The following PRKAR1B variants were observed in gnomAD, a reference collection of about 807,000 sequenced individuals.
PRKAR1B encodes the protein cAMP-dependent protein kinase type I-beta regulatory subunit.
Under a neutral mutation model 46.5 loss-of-function variants are expected in PRKAR1B, and 22 were observed. The ratio of observed to expected loss-of-function variants is 0.47; its 90% CI spans 0.34 to 0.68. The LOEUF is 0.68. Among genes scored for constraint, PRKAR1B ranks in the 30% least tolerant of loss-of-function variants. PRKAR1B has a pLI of 0.01. For missense variants in PRKAR1B, 445 were observed against 535.6 expected (o/e 0.83, Z 1.67); for synonymous variants, 259 against 217.7 (o/e 1.19, Z -1.67).
intron 4 of PRKAR1B, among the ~76,000 whole-genome samples, chr7:665,554 CT>C (rs1785863604): frequency 6.6e-6 from 1 of 152,242 alleles, no homozygotes; most frequent in African/African-American, 2.4e-5. Context: ...ATTTGCTAAC[CT>C]CAAGGTCTCC....
At chr7:615,460 G>A (rs1378207126) in intron 4 of PRKAR1B, among the ~76,000 whole-genome samples, 1 of 139,932 alleles carries the variant, frequency 7.1e-6, no homozygotes, top group African/African-American at 2.7e-5. Flanking sequence ...AAATAAAAAA[G>A]ACAGAAAGAA....
intron 9 of PRKAR1B, among the ~76,000 whole-genome samples, chr7:562,695 A>C (rs1778877886): frequency 6.6e-6 from 1 of 152,300 alleles, no homozygotes; most frequent in Non-Finnish European, 1.5e-5. Flanking sequence ...TGTCACACAC[A>C]GATCACAACC....
intron 4 of PRKAR1B, among the ~76,000 whole-genome samples, chr7:656,155 T>G (rs1785173649): frequency 1.3e-5 from 2 of 152,206 alleles, no homozygotes; most frequent in Admixed American, 1.3e-4. Flanking sequence ...AATGAATGGA[T>G]GGGTGCCTGA....
At chr7:614,418 T>C (rs556570262) in intron 4 of PRKAR1B, among the ~76,000 whole-genome samples, 4 of 152,256 alleles carry the variant, frequency 2.6e-5, no homozygotes, top group African/African-American at 7.2e-5. Context: ...ACAGGCCCCA[T>C]TACTGCCCCA....
chr7:596,415 C>CCCG, intron 6 of PRKAR1B, 111 bp from the exon 7 acceptor site: 2 of 1,342,310 alleles, frequency 1.5e-6, no homozygotes, highest in Non-Finnish European at 2.0e-6. Context: ...CCCCGCAGGG[C>CCCG]GGGGCACAAG....
At chr7:611,865 C>T (rs1053342203) in intron 4 of PRKAR1B, among the ~76,000 whole-genome samples, 7 of 133,478 alleles carry the variant, frequency 5.2e-5, no homozygotes, top group Non-Finnish European at 7.8e-5. Context: ...GTAGATGAAT[C>T]GATGGATGGA....
At chr7:718,888 A>ATTTTTTTTTTTTTC (rs1780977368) in intron 1 of PRKAR1B, among the ~76,000 whole-genome samples, 1 of 9,680 alleles carries the variant, frequency 1.0e-4, no homozygotes, top group Admixed American at 9.2e-4. Flanking sequence ...TTTTTTTTTG[A>ATTTTTTTTTTTTTC]TGAGATAAGG....
chr7:690,485 G>A (rs868857210), intron 2 of PRKAR1B, among the ~76,000 whole-genome samples: 7 of 152,170 alleles, frequency 4.6e-5, no homozygotes, highest in African/African-American at 1.4e-4. Context: ...AATTAAATAA[G>A]AAGCCATTAA....
chr7:698,556 A>G (rs778797244), intron 2 of PRKAR1B, among the ~76,000 whole-genome samples: 3 of 152,012 alleles, frequency 2.0e-5, no homozygotes, highest in Non-Finnish European at 4.4e-5. Context: ...CCAACTAAGT[A>G]CATGTGTGTG....
chr7:563,989 C>G (rs909542837), intron 9 of PRKAR1B, among the ~76,000 whole-genome samples: 23 of 152,216 alleles, frequency 1.5e-4, no homozygotes, highest in African/African-American at 4.8e-4. Context: ...CACTTTCCAG[C>G]CTGGCCCGGC....
intron 7 of PRKAR1B, among the ~76,000 whole-genome samples, chr7:590,945 G>A (rs567173411): frequency 2.8e-4 from 43 of 152,158 alleles, no homozygotes; most frequent in African/African-American, 4.8e-4. Context: ...CCGGATGCCC[G>A]GGGCAGTGGC....
At position 667,648 on chromosome 7, in the gene PRKAR1B, C is replaced by T. The variant is rs919331286; in HGVS notation, c.440+9581G>A. Among the ~76,000 whole-genome samples, 11 of 151,286 alleles carry T rather than the reference C, an allele frequency of 7.3e-5. No individual in the cohort carries two copies. The highest frequency in any genetic ancestry group is 2.7e-4 in the African/African-American group (11 of 40,614). The stretch of plus-strand genomic sequence containing the variant: ...TTCCTTCACCATGCAGGCAGGGTAG[C>T]GGCAGGTGCAGGTGATGTGTCCTTA... On this transcript the variant is annotated intron_variant, in intron 4 of 10. Coordinates refer to ENST00000537384, the MANE Select transcript of PRKAR1B (RefSeq NM_001164760.2). This position sits in a 1 kb window ranked among gnomAD's most constrained non-coding sequence, Gnocchi z 4.3.
chr7:597,174 G>T (rs1583271925), intron 6 of PRKAR1B, among the ~76,000 whole-genome samples: 1 of 152,248 alleles, frequency 6.6e-6, no homozygotes, highest in Admixed American at 6.5e-5. Context: ...GTTCCCATTG[G>T]CAAAGCAGTT....
At chr7:568,941 G>T (rs973901827) in intron 9 of PRKAR1B, among the ~76,000 whole-genome samples, 25 of 151,962 alleles carry the variant, frequency 1.6e-4, no homozygotes, top group Admixed American at 1.6e-3. Flanking sequence ...GGGGCCCGCG[G>T]GGGGTGGTTC....
At chr7:710,141 G>A (rs1460218067) in intron 2 of PRKAR1B, among the ~76,000 whole-genome samples, 1 of 152,200 alleles carries the variant, frequency 6.6e-6, no homozygotes, top group Non-Finnish European at 1.5e-5. Context: ...TGTGATCACA[G>A]GAGGCCCCTG....
In PRKAR1B at chr7:550,329, C is replaced by A. The variant is rs1784101313; in HGVS notation, c.*101G>T. 2.0e-5 allele frequency: 22 copies of A among 1,117,244 alleles called. No individual in the cohort carries two copies. The highest frequency in any genetic ancestry group is 2.7e-5 in the Non-Finnish European group (21 of 771,170). The allele number at this position is 1,117,244 out of a possible 1,614,324, so 69.2% of individuals were successfully genotyped here. ...CTCACGCTGCCGGGACCCAGCCCCA[C>A]CCGGCCCACACCTCACACAGCGGCT... is the stretch of plus-strand genomic sequence containing the variant. On this transcript the variant is annotated 3_prime_UTR_variant, in exon 11 of 11. Coordinates refer to ENST00000537384, the MANE Select transcript of PRKAR1B (RefSeq NM_001164760.2).
In PRKAR1B at chr7:642,110, G is replaced by A. The variant is rs150335075; in HGVS notation, c.441-34658C>T. Reference sequence around the variant, plus strand: ...CGGGTCTTGCTATGTTGGCTAGGCTGGTCTTGAACTCCTGAGCTCAAGCGA... The same window carrying A: ...CGGGTCTTGCTATGTTGGCTAGGCTAGTCTTGAACTCCTGAGCTCAAGCGA... On this transcript the variant is annotated intron_variant, in intron 4 of 10. Coordinates refer to ENST00000537384, the MANE Select transcript of PRKAR1B (RefSeq NM_001164760.2). 2.4e-4 allele frequency among the ~76,000 whole-genome samples: 37 copies of A among 152,154 alleles called. 1 individual carries two copies. The East Asian group carries it at 7.2e-3, about 29-fold the overall frequency.
intron 4 of PRKAR1B, among the ~76,000 whole-genome samples, chr7:641,145 C>G (rs1784365237): frequency 1.3e-5 from 2 of 152,006 alleles, no homozygotes; most frequent in South Asian, 4.2e-4. Context: ...GTAGAGACGG[C>G]GTTTCACCGT....
intron 9 of PRKAR1B, among the ~76,000 whole-genome samples, chr7:558,013 A>T (rs1330204079): frequency 1.3e-5 from 2 of 152,118 alleles, no homozygotes; most frequent in Non-Finnish European, 2.9e-5. Context: ...TTGATTTTTT[A>T]AAATTTCCTG....
Sources: gnomAD v4.1 joint callset for allele counts (sites outside exome capture counted in the v4.1 genomes callset) on GRCh38, gnomAD v4.1.1 for gene constraint, Gnocchi (gnomAD v3.1) non-coding constraint, MANE v1.5 for transcripts, NCBI Gene and HGNC (gene_info 2026-07-23, HGNC 2026-07-21) for gene names.